The following BEND3 variants were observed in gnomAD, a reference collection of about 807,000 sequenced individuals.
BEND3 encodes the protein BEN domain containing 3, also known as BEN domain-containing protein 3.
BEND3 carries 13 observed loss-of-function variants against 60.1 expected under a neutral mutation model. That is an observed-to-expected ratio of 0.22 (90% confidence interval 0.14 to 0.34). The LOEUF (loss-of-function observed/expected upper bound fraction) is 0.34, where lower values mean the gene tolerates loss of function less well. Ranked by LOEUF, BEND3 falls within the 10% of genes least tolerant of loss-of-function variation. The pLI is 1.00. For missense variants in BEND3, 896 were observed against 1,138.1 expected (o/e 0.79, Z 3.06); for synonymous variants, 497 against 491.5 (o/e 1.01, Z -0.15).
chr6:107,093,047 G>A (rs1210376769), intron 3 of BEND3, among the ~76,000 whole-genome samples: 1 of 152,198 alleles, frequency 6.6e-6, no homozygotes, highest in East Asian at 1.9e-4. Context: ...CGAGATGTCA[G>A]TTCTTCCCAC....
At chr6:107,113,460 A>AAC (rs1770169404) in intron 1 of BEND3, among the ~76,000 whole-genome samples, 1 of 150,846 alleles carries the variant, frequency 6.6e-6, no homozygotes, top group Non-Finnish European at 1.5e-5. Flanking sequence ...AAAACAAAAA[A>AAC]AAAACTCATG....
intron 1 of BEND3, among the ~76,000 whole-genome samples, chr6:107,107,499 G>C (rs2115037033): frequency 6.6e-6 from 1 of 150,494 alleles, no homozygotes; most frequent in East Asian, 2.0e-4. Context: ...GTCTCATTCT[G>C]TCGCCCAGGC....
At chr6:107,090,728 A>G (rs1234316298) in intron 3 of BEND3, among the ~76,000 whole-genome samples, 1 of 152,222 alleles carries the variant, frequency 6.6e-6, no homozygotes. Context: ...TGCTTGGACT[A>G]GTTGTAAATA....
intron 1 of BEND3, among the ~76,000 whole-genome samples, chr6:107,101,897 G>C (rs1298942796): frequency 2.6e-5 from 4 of 152,204 alleles, no homozygotes; most frequent in Admixed American, 2.0e-4. Context: ...TGCCAATCAA[G>C]GGGAGTTCTG....
chr6:107,090,288 G>A (rs537872540), intron 3 of BEND3, among the ~76,000 whole-genome samples: 5 of 152,196 alleles, frequency 3.3e-5, no homozygotes, highest in Middle Eastern at 3.4e-3. Context: ...GGTGGAGGTC[G>A]CACTGAGCCA....
chr6:107,111,442 C>T (rs1355031680), intron 1 of BEND3, among the ~76,000 whole-genome samples: 1 of 150,690 alleles, frequency 6.6e-6, no homozygotes, highest in Non-Finnish European at 1.5e-5. Context: ...ACCCAGGAGG[C>T]GTAGGATGCA....
intron 1 of BEND3, among the ~76,000 whole-genome samples, chr6:107,113,345 G>A (rs782625090): frequency 6.0e-5 from 9 of 150,442 alleles, no homozygotes; most frequent in Non-Finnish European, 8.8e-5. Context: ...GGCTGAGGCA[G>A]GAAAATCGCT....
chr6:107,096,526 C>T (rs1332042225), intron 3 of BEND3, among the ~76,000 whole-genome samples: 3 of 152,086 alleles, frequency 2.0e-5, no homozygotes, highest in East Asian at 1.9e-4. Flanking sequence ...GCAGGAGAAT[C>T]GCTTGAACAA....
intron 1 of BEND3, among the ~76,000 whole-genome samples, chr6:107,109,806 G>A (rs1010838354): frequency 3.9e-5 from 6 of 151,968 alleles, no homozygotes; most frequent in African/African-American, 1.4e-4. Context: ...CCTGGGAGGC[G>A]GTGGTTGCAG....
intron 1 of BEND3, among the ~76,000 whole-genome samples, chr6:107,110,211 A>C (rs1458501580): frequency 2.0e-5 from 3 of 152,214 alleles, no homozygotes; most frequent in Non-Finnish European, 4.4e-5. Flanking sequence ...ACCTGCTGAG[A>C]AAACTTCAGC....
In BEND3 at chr6:107,069,672, C is replaced by T. The variant is rs782458566; in HGVS notation, c.1519G>A (p.Asp507Asn). 2.5e-6 allele frequency: 4 copies of T among 1,609,580 alleles called. No individual in the cohort carries two copies. The highest frequency in any genetic ancestry group is 1.1e-5 in the South Asian group (1 of 91,084). The change falls in exon 4 of 4, where the codon GAC becomes AAC. Residue 507 changes from aspartate (D) to asparagine (N), a missense_variant. Around this residue, in one of 4 missense-constraint regions of BEND3, gnomAD observed 846 missense variants for 1,036.7 expected, o/e 0.82. Transcript: ENST00000369042. Reference protein sequence around the residue: ...DCYDSSSLPDDISVVKVEDSF... With the variant: ...DCYDSSSLPDNISVVKVEDSF... ...TCCTCCACCTTGACCACTGAGATGT[C>T]GTCGGGCAGACTGGAGGAGTCGTAG...
At chr6:107,087,772 T>C (rs1440350081) in intron 3 of BEND3, among the ~76,000 whole-genome samples, 1 of 144,880 alleles carries the variant, frequency 6.9e-6, no homozygotes, top group Non-Finnish European at 1.5e-5. Flanking sequence ...AGATGGTCAA[T>C]GGACACACAA....
chr6:107,072,597 G>A (rs1775006321), intron 3 of BEND3, among the ~76,000 whole-genome samples: 1 of 152,222 alleles, frequency 6.6e-6, no homozygotes, highest in Non-Finnish European at 1.5e-5. Flanking sequence ...ATATGAGGCT[G>A]AGAATAGGCA....
intron 3 of BEND3, among the ~76,000 whole-genome samples, chr6:107,087,188 G>A (rs191589673): frequency 9.4e-5 from 14 of 149,690 alleles, no homozygotes; most frequent in East Asian, 6.1e-4. Context: ...AAAAATCAGC[G>A]AACGCCTGTA....
chr6:107,083,762 C>G (rs1775280973), intron 3 of BEND3, among the ~76,000 whole-genome samples: 1 of 151,780 alleles, frequency 6.6e-6, no homozygotes, highest in African/African-American at 2.4e-5. Flanking sequence ...TAGAAGCAAC[C>G]CAAAATATCT....
At chr6:107,104,494 T>C (rs1554237141) in intron 1 of BEND3, among the ~76,000 whole-genome samples, 3 of 152,112 alleles carry the variant, frequency 2.0e-5, no homozygotes, top group East Asian at 1.9e-4. Flanking sequence ...GACACCCAAA[T>C]CCACAGATGT....
Position 107,069,991 on chromosome 6 carries a change from G to A in BEND3, c.1200C>T (p.Phe400=), listed in dbSNP as rs782719486. 1 of 1,613,800 alleles carries A rather than the reference G, an allele frequency of 6.2e-7. No individual in the cohort carries two copies. Among genetic ancestry groups the A allele is most frequent in the South Asian group, 1.1e-5 (1 of 91,078 alleles). ...HVVDTQDLTE[F]LDEASSPGEF... ...CGCCTGGTGAGGAGGCTTCGTCCAG[G>A]AACTCAGTGAGGTCCTGCGTGTCCA... is the stretch of plus-strand genomic sequence containing the variant. Residue 400 remains phenylalanine, a synonymous_variant, in exon 4 of 4, where the codon TTC becomes TTT. Coordinates refer to ENST00000369042, the MANE Select transcript of BEND3 (RefSeq NM_001367314.1).
intron 3 of BEND3, among the ~76,000 whole-genome samples, chr6:107,089,507 ACC>A (rs1775427124): frequency 1.3e-5 from 2 of 149,202 alleles, no homozygotes; most frequent in Non-Finnish European, 3.0e-5. Flanking sequence ...AATGGTGTGA[ACC>A]CAGGAGGCGG....
At chr6:107,093,448 G>A (rs536746383) in intron 3 of BEND3, among the ~76,000 whole-genome samples, 4 of 150,362 alleles carry the variant, frequency 2.7e-5, no homozygotes, top group East Asian at 2.0e-4. Flanking sequence ...GCGACAGAGC[G>A]AGACTCCGTC....
Sources: allele counts gnomAD v4.1 joint callset (sites outside exome capture counted in the v4.1 genomes callset), GRCh38; gene constraint gnomAD v4.1.1; regional missense constraint gnomAD v4.1.1; transcripts MANE v1.5; gene names NCBI Gene and HGNC (gene_info 2026-07-23, HGNC 2026-07-21).